The following CDCA7 variants were observed in gnomAD, a reference collection of about 807,000 sequenced individuals.
The protein encoded by CDCA7 is cell division cycle associated 7.
In CDCA7, 28 loss-of-function variants were observed where a neutral mutation model predicts 54.0. The ratio of observed to expected loss-of-function variants is 0.52; its 90% CI spans 0.38 to 0.71. CDCA7 has a LOEUF of 0.71. CDCA7 is among the 30% of genes least tolerant of loss of function. The pLI, the probability that CDCA7 is intolerant of heterozygous loss-of-function variation, is 0.00. For missense variants in CDCA7, 484 were observed against 586.0 expected (o/e 0.83, Z 1.80); for synonymous variants, 180 against 208.2 (o/e 0.86, Z 1.16).
chr2:173,359,951 G>A (rs1686588747), intron 3 of CDCA7, among the ~76,000 whole-genome samples: 1 of 152,162 alleles, frequency 6.6e-6, no homozygotes, highest in East Asian at 1.9e-4. Flanking sequence ...ATGACATTGA[G>A]GGCCCTTCCT....
At position 173,364,901 on chromosome 2, in the gene CDCA7, C is replaced by T; in HGVS notation, c.806C>T (p.Ser269Phe). Residue 269 changes from serine to phenylalanine, a missense_variant, in exon 6 of 10, where the codon TCC (serine) becomes TTC (phenylalanine). Physicochemically the swap from Ser to Phe is radical, Grantham distance 155. Transcript: ENST00000306721. ...AGGTCAAGGTCCCGGATCCTCGGGT[C>T]CCTTGACGCTCTACCCATGGAGGAG... ...LTRSRSRILG[S>F]LDALPMEEEE... 6.2e-7 allele frequency: 1 copy of T among 1,609,524 alleles called. No individual in the cohort carries two copies. The highest frequency in any genetic ancestry group is 8.5e-7 in the Non-Finnish European group (1 of 1,178,476).
At chr2:173,367,610 C>T in intron 9 of CDCA7, 24 bp from the exon 10 acceptor site, 1 of 1,613,718 alleles carries the variant, frequency 6.2e-7, no homozygotes, top group Non-Finnish European at 8.5e-7. Context: ...TATGTCCTGA[C>T]ACATTTCCTT....
In CDCA7 at chr2:173,367,214, G is replaced by A. The variant is rs763248338; in HGVS notation, c.1250G>A (p.Arg417Gln). 6.2e-6 allele frequency: 10 copies of A among 1,611,752 alleles called. No homozygotes were observed. The highest frequency in any genetic ancestry group is 3.3e-5 in the South Asian group (3 of 90,340). The change falls in exon 9 of 10, where the codon CGG becomes CAG. Residue 417 changes from arginine (R) to glutamine (Q), a missense_variant. Coordinates refer to ENST00000306721, the MANE Select transcript of CDCA7 (RefSeq NM_031942.5). ...NCSFCRQRDG[R>Q]CATGVLVYLA... is the part of the protein sequence containing the mutation. ...AGTTTCTGCCGGCAGCGAGATGGAC[G>A]GTGTGCGACTGGGGTCCTTGTGTAT... is the stretch of plus-strand genomic sequence containing the variant.
At chr2:173,365,645 A>G in intron 7 of CDCA7, 53 bp downstream of exon 7, 1 of 1,592,952 alleles carries the variant, frequency 6.3e-7, no homozygotes, top group Non-Finnish European at 8.6e-7. Flanking sequence ...AGAGGAAGAG[A>G]GCTTCTGTCC....
At position 173,359,375 on chromosome 2, in the gene CDCA7, G is replaced by A. The variant is rs1447883759; in HGVS notation, c.268G>A (p.Gly90Arg). 6.2e-7 allele frequency: 1 copy of A among 1,613,996 alleles called. No individual in the cohort carries two copies. Among genetic ancestry groups the A allele is most frequent in the Non-Finnish European group, 8.5e-7 (1 of 1,180,026 alleles). The stretch of plus-strand genomic sequence containing the variant: ...GGTGCAAGATGTATTAGACCATTGT[G>A]GATTTTTACAGAAACCAAGGCCAGA... ...SEVQDVLDHC[G>R]FLQKPRPDVT... Residue 90 changes from glycine to arginine, a missense_variant, in exon 3 of 10, where the codon GGA becomes AGA. Gly to Arg is a moderately radical substitution (Grantham distance 125). Around this residue, in one of 3 missense-constraint regions of CDCA7, gnomAD observed 398 missense variants for 447.4 expected, o/e 0.89. Coordinates refer to ENST00000306721, the MANE Select transcript of CDCA7 (RefSeq NM_031942.5).
chr2:173,361,438 T>A (rs1006309756), intron 3 of CDCA7, among the ~76,000 whole-genome samples: 8 of 145,612 alleles, frequency 5.5e-5, no homozygotes, highest in African/African-American at 2.0e-4. Flanking sequence ...ATACTTTTTT[T>A]TATTTTCCTT....
At position 173,363,843 on chromosome 2, in the gene CDCA7, A is replaced by G. The variant is rs1223115464; in HGVS notation, c.647A>G (p.Glu216Gly). 1 of 1,614,090 alleles carries G rather than the reference A, an allele frequency of 6.2e-7. No individual in the cohort carries two copies. The highest frequency in any genetic ancestry group is 2.2e-5 in the East Asian group (1 of 44,896). ...AMLAKLMSELESFPGSFRGRH... is the reference protein window; with the variant it reads ...AMLAKLMSELGSFPGSFRGRH... ...CTTGCAAAACTCATGTCTGAATTAG[A>G]AAGCTTCCCTGGCTCGTTCCGTGGA... Residue 216 changes from glutamate to glycine, a missense_variant, in exon 5 of 10, where the codon GAA (glutamate) becomes GGA (glycine). Coordinates refer to ENST00000306721, the MANE Select transcript of CDCA7 (RefSeq NM_031942.5).
At chr2:173,356,650 A>G (rs1686512489) in intron 1 of CDCA7, among the ~76,000 whole-genome samples, 1 of 152,146 alleles carries the variant, frequency 6.6e-6, no homozygotes, top group African/African-American at 2.4e-5. Context: ...GATTACATGT[A>G]CGCACCGCCA....
chr2:173,357,861 TAA>T (rs1405430763), intron 1 of CDCA7, among the ~76,000 whole-genome samples: 1 of 152,132 alleles, frequency 6.6e-6, no homozygotes, highest in Admixed American at 6.5e-5. Flanking sequence ...AATAAATTGA[TAA>T]ATGTCTTTAC....
intron 1 of CDCA7, among the ~76,000 whole-genome samples, chr2:173,355,854 C>T (rs905333867): frequency 6.6e-6 from 1 of 152,060 alleles, no homozygotes; most frequent in African/African-American, 2.4e-5. Context: ...GTTAGGGACC[C>T]TCGCGGGGGT....
At chr2:173,364,015 C>T (rs1686672204) in intron 5 of CDCA7, 120 bp downstream of exon 5, 4 of 903,854 alleles carry the variant, frequency 4.4e-6, no homozygotes, top group Non-Finnish European at 6.9e-6. Context: ...CGAAGGGGAC[C>T]TAGAGGAAAC....
In CDCA7 at chr2:173,363,339, A is replaced by G. The variant is rs1686659757; in HGVS notation, c.498A>G (p.Lys166=). 1.9e-6 allele frequency: 3 copies of G among 1,614,060 alleles called. No homozygotes were observed. The highest frequency in any genetic ancestry group is 2.5e-6 in the Non-Finnish European group (3 of 1,180,042). ...GGAGTACCAGGGGAGCAACCAACAAAAAAGCAGAGTCCCGCCAGCCCTCAG... is the reference window on the plus strand; with the variant it reads ...GGAGTACCAGGGGAGCAACCAACAAGAAAGCAGAGTCCCGCCAGCCCTCAG... The part of the protein sequence containing the change: ...PARSTRGATN[K]KAESRQPSEN... Residue 166 remains lysine, a synonymous_variant, in exon 4 of 10, where the codon AAA becomes AAG. Coordinates refer to ENST00000306721, the MANE Select transcript of CDCA7 (RefSeq NM_031942.5).
rs1157902366 is a variant in CDCA7, at chr2:173,366,171, A to G, written c.1036-112A>G. The G allele has an allele frequency of 3.5e-5, 45 of 1,272,812 alleles. No individual in the cohort carries two copies. The highest frequency in any genetic ancestry group is 4.7e-5 in the Non-Finnish European group (44 of 928,534). The allele number at this position is 1,272,812 out of a possible 1,614,324, so 78.8% of individuals were successfully genotyped here. ...CATATACATGTGTATGTAGAGATTC[A>G]TAGACAAAATGTAAGCCTATACTAC... On this transcript the variant is annotated intron_variant, in intron 7 of 9. Coordinates refer to ENST00000306721, the MANE Select transcript of CDCA7 (RefSeq NM_031942.5). This position sits in a 1 kb window ranked among gnomAD's most constrained non-coding sequence, Gnocchi z 4.5.
chr2:173,357,509 C>T (rs540590110), intron 1 of CDCA7, among the ~76,000 whole-genome samples: 9 of 152,198 alleles, frequency 5.9e-5, no homozygotes, highest in Non-Finnish European at 1.2e-4. Flanking sequence ...GTGGAAATCA[C>T]GATAGCCCTC....
intron 3 of CDCA7, 94 bp from the exon 4 acceptor site, chr2:173,363,132 T>A (rs1686654187): frequency 8.4e-7 from 1 of 1,195,970 alleles, no homozygotes; most frequent in African/African-American, 1.5e-5. Context: ...TAAAATTCAT[T>A]TCATACAAGT....
At position 173,354,925 on chromosome 2, in the gene CDCA7, T is replaced by TCCCCGCTCC; in HGVS notation, c.-38_-30dup. 1 of 1,470,230 alleles carries TCCCCGCTCC rather than the reference T, an allele frequency of 6.8e-7. No individual in the cohort carries two copies. Among genetic ancestry groups the TCCCCGCTCC allele is most frequent in the Non-Finnish European group, 9.0e-7 (1 of 1,117,252 alleles). 91.1% of individuals were successfully genotyped at this position (1,470,230 alleles called of 1,614,324 possible). ...CGCTGACCGCGCGGCTGCTCCGCTC[T>TCCCCGCTCC]CCCCGCTCCAAGCGCCGATCTGGGC... On this transcript the variant is annotated 5_prime_UTR_variant, in exon 1 of 10. Coordinates refer to ENST00000306721, the MANE Select transcript of CDCA7 (RefSeq NM_031942.5).
chr2:173,364,506 A>ATT, intron 5 of CDCA7: 2 of 229,228 alleles, frequency 8.7e-6, no homozygotes, highest in Non-Finnish European at 1.7e-5. Flanking sequence ...ATCAGAGAAA[A>ATT]TTTTTTTTTT....
chr2:173,358,686 A>G (rs1003229238), intron 1 of CDCA7, 26 bp from the exon 2 acceptor site: 1 of 1,609,480 alleles, frequency 6.2e-7, no homozygotes, highest in Non-Finnish European at 8.5e-7. Context: ...CATCACGCTT[A>G]ATAGGATTGC....
At chr2:173,358,561 A>T in intron 1 of CDCA7, 151 bp from the exon 2 acceptor site, 1 of 775,788 alleles carries the variant, frequency 1.3e-6, no homozygotes, top group Non-Finnish European at 1.9e-6. Context: ...AATTTTTTGT[A>T]GCAGTTAACA....
Sources: allele counts gnomAD v4.1 joint callset (sites outside exome capture counted in the v4.1 genomes callset), GRCh38; gene constraint gnomAD v4.1.1; regional missense constraint gnomAD v4.1.1; non-coding constraint Gnocchi (gnomAD v3.1); transcripts MANE v1.5; gene names NCBI Gene and HGNC (gene_info 2026-07-23, HGNC 2026-07-21).